Variants in DNAH2 observed in about 807,000 individuals in gnomAD.
DNAH2 encodes dynein axonemal heavy chain 2.
Under a neutral mutation model 523.5 loss-of-function variants are expected in DNAH2, and 323 were observed. The observed-to-expected ratio is 0.62, with a 90% CI of 0.56 to 0.68. The LOEUF is 0.68. DNAH2 is among the 30% of genes least tolerant of loss of function. DNAH2 has a pLI of 0.00. For synonymous variants in DNAH2, 2,093 were observed against 2,177.4 expected, an observed-to-expected ratio of 0.96 and a Z score of 1.08; for missense variants, 4,907 against 5,701.5, an observed-to-expected ratio of 0.86 and a Z score of 4.49.
At chr17:7,769,483 C>A (rs917331955) in intron 24 of DNAH2, among the ~76,000 whole-genome samples, 1 of 152,204 alleles carries the variant, frequency 6.6e-6, no homozygotes. Context: ...TTTTGTTATA[C>A]AAAAGATTTT....
At position 7,821,678 on chromosome 17, in the gene DNAH2, C is replaced by T. The variant is rs1012305862; in HGVS notation, c.11142+309C>T. Among the ~76,000 whole-genome samples the T allele has an allele frequency of 2.6e-5, 4 of 152,122 alleles. No homozygotes were observed. The highest frequency in any genetic ancestry group is 1.9e-4 in the East Asian group (1 of 5,192). Reference sequence around the variant, plus strand: ...CCTTCCCCAGCCTGAGTTCCATGGTCGCCCTCACAATCTCTCCCTCACAGG... The same window carrying T: ...CCTTCCCCAGCCTGAGTTCCATGGTTGCCCTCACAATCTCTCCCTCACAGG... On this transcript the variant is annotated intron_variant, in intron 73 of 85. Transcript: ENST00000572933. The surrounding 1 kb of genome is among the most constrained non-coding windows in gnomAD (Gnocchi z 5.0).
chr17:7,770,841 A>G lies in DNAH2; in HGVS notation c.4270A>G (p.Lys1424Glu). 2 of 1,614,138 alleles carry G rather than the reference A, an allele frequency of 1.2e-6. No individual in the cohort carries two copies. The highest frequency in any genetic ancestry group is 1.7e-6 in the Non-Finnish European group (2 of 1,180,038). The change falls in exon 27 of 86, where the codon AAG becomes GAG. Residue 1424 changes from lysine to glutamate, a missense_variant. By Grantham distance (56) the Lys-to-Glu change is moderately conservative. Around this residue, in one of 3 missense-constraint regions of DNAH2, gnomAD observed 2,806 missense variants for 3,190.8 expected, o/e 0.88. Coordinates refer to ENST00000572933, the MANE Select transcript of DNAH2 (RefSeq NM_020877.5). ...KASRFVKAFE[K>E]DVDHWERCLS... ...ATCACGCTTTGTCAAGGCCTTTGAG[A>G]AGGATGTGGACCACTGGGAACGCTG...
At position 7,805,844 on chromosome 17, in the gene DNAH2, A is replaced by T. The variant is rs142001659; in HGVS notation, c.9442+451A>T. On this transcript the variant is annotated intron_variant, in intron 61 of 85. Transcript: ENST00000572933. ...ACTCCAGCCTGGGAGACAGAGCCAG[A>T]CCCTGTCTCCAAAGAAAAAAAAAGA... Among the ~76,000 whole-genome samples the T allele has an allele frequency of 5.5e-3, 824 of 149,400 alleles. 5 individuals are homozygous for T. Among genetic ancestry groups the T allele is most frequent in the Middle Eastern group, 0.024 (7 of 288 alleles).
chr17:7,722,618 T>TA (rs1407510074), intron 2 of DNAH2, among the ~76,000 whole-genome samples: 19 of 152,156 alleles, frequency 1.2e-4, no homozygotes, highest in Admixed American at 3.9e-4. Context: ...TGGATTTGCC[T>TA]ATGCTGGACA....
At chr17:7,756,467 G>A (rs1394400580) in intron 12 of DNAH2, among the ~76,000 whole-genome samples, 4 of 151,372 alleles carry the variant, frequency 2.6e-5, no homozygotes, top group Non-Finnish European at 5.9e-5. Context: ...TAGAGATGGG[G>A]GTCTCACTAT....
Position 7,807,620 on chromosome 17 carries a change from C to T in DNAH2, c.9729+34C>T. 1 of 1,576,380 alleles carries T rather than the reference C, an allele frequency of 6.3e-7. No individual in the cohort carries two copies. On this transcript the variant is annotated intron_variant, in intron 63 of 85. Transcript: ENST00000572933. The surrounding 1 kb of genome is among the most constrained non-coding windows in gnomAD (Gnocchi z 5.6). ...ATCGCCTGTCCTTTCCACGGAGGTC[C>T]CTCTCCCTGAGTTCTGGATTGCTTC...
chr17:7,731,511 TG>T (rs2074987897), intron 4 of DNAH2, among the ~76,000 whole-genome samples: 1 of 152,050 alleles, frequency 6.6e-6, no homozygotes, highest in Admixed American at 6.6e-5. Context: ...AAAAACAGCT[TG>T]CTCCTATTTA....
Position 7,754,907 on chromosome 17 carries a change from C to T in DNAH2, c.1905-2184C>T. On this transcript the variant is annotated intron_variant, in intron 12 of 85. Transcript: ENST00000572933. The surrounding 1 kb of genome is among the most constrained non-coding windows in gnomAD (Gnocchi z 4.6). ...AAGGACAGGTGCCACCCACCCCGGG[C>T]TGCCGTCTGCATGGGGCTGGGGTCC... 2 of 562,916 alleles carry T rather than the reference C, an allele frequency of 3.6e-6. No homozygotes were observed. The highest frequency in any genetic ancestry group is 6.3e-6 in the Non-Finnish European group (2 of 316,264). The allele number at this position is 562,916 out of a possible 1,614,324, so 34.9% of individuals were successfully genotyped here. A position where few individuals can be genotyped will look rare whatever the true frequency, so the allele number is the denominator to read the frequency against.
intron 13 of DNAH2, 30 bp from the exon 14 acceptor site, chr17:7,758,465 C>T (rs374631256): frequency 3.3e-5 from 53 of 1,602,812 alleles, no homozygotes; most frequent in Non-Finnish European, 4.3e-5. Flanking sequence ...GGCTTGTCCC[C>T]TCTGGATACC....
chr17:7,776,772 TC>T lies in DNAH2; in HGVS notation c.4948-3del. ...GGCTTTGGGACGTGGCTTCTGCACA[TC>T]CCCAGGTGGTGATCACTGCCAGTCA... On this transcript the variant is annotated splice_region_variant and splice_polypyrimidine_tract_variant and intron_variant, in intron 31 of 85. Transcript: ENST00000572933. 2 of 1,610,446 alleles carry T rather than the reference TC, an allele frequency of 1.2e-6. No individual in the cohort carries two copies. Among genetic ancestry groups the T allele is most frequent in the Non-Finnish European group, 1.7e-6 (2 of 1,177,504 alleles).
Position 7,807,111 on chromosome 17 carries a change from T to G in DNAH2, c.9443-39T>G. On this transcript the variant is annotated intron_variant, in intron 61 of 85. Coordinates refer to ENST00000572933, the MANE Select transcript of DNAH2 (RefSeq NM_020877.5). This position sits in a 1 kb window ranked among gnomAD's most constrained non-coding sequence, Gnocchi z 5.6. The stretch of plus-strand genomic sequence containing the variant: ...AAACTGCTGGACAAGGAGGATGGCA[T>G]TAAGCCTCTGGCTAAGGCCCCTAAT... The G allele has an allele frequency of 1.3e-6, 2 of 1,590,342 alleles. No individual in the cohort carries two copies. The highest frequency in any genetic ancestry group is 1.7e-6 in the Non-Finnish European group (2 of 1,174,268).
chr17:7,742,860 C>CGG, intron 11 of DNAH2, 68 bp from the exon 12 acceptor site: 1 of 1,217,062 alleles, frequency 8.2e-7, no homozygotes, highest in Non-Finnish European at 1.1e-6. Context: ...GTGTAGGTCT[C>CGG]AGGGAGATGG....
At chr17:7,796,368 C>T in intron 49 of DNAH2, 96 bp from the exon 50 acceptor site, 2 of 1,381,332 alleles carry the variant, frequency 1.4e-6, no homozygotes, top group South Asian at 1.5e-5. Context: ...TTTTTGACAC[C>T]CCCTTAAATT....
chr17:7,825,164 AC>A (rs762086268), intron 77 of DNAH2, among the ~76,000 whole-genome samples: 3 of 152,050 alleles, frequency 2.0e-5, no homozygotes, highest in Non-Finnish European at 4.4e-5. Flanking sequence ...CGAATGTCAC[AC>A]TTCCTGCCTC....
chr17:7,773,690 C>G (rs894120545), intron 28 of DNAH2, among the ~76,000 whole-genome samples: 1 of 150,944 alleles, frequency 6.6e-6, no homozygotes, highest in Non-Finnish European at 1.5e-5. Flanking sequence ...TTTCTTTTTC[C>G]TTCGTCGCAG....
intron 39 of DNAH2, among the ~76,000 whole-genome samples, chr17:7,785,630 G>T (rs1031750009): frequency 1.3e-5 from 2 of 152,158 alleles, no homozygotes; most frequent in African/African-American, 4.8e-5. Context: ...GGGCCCATCT[G>T]TTAGGTCATG....
At chr17:7,819,441 G>T (rs1567754252) in intron 72 of DNAH2, 33 bp downstream of exon 72, 1 of 1,612,580 alleles carries the variant, frequency 6.2e-7, no homozygotes, top group Non-Finnish European at 8.5e-7. Flanking sequence ...CCCCAGCCCG[G>T]AGGCCGAGTG....
Position 7,778,337 on chromosome 17 carries a change from C to T in DNAH2, c.5409C>T (p.Gly1803=). 8 of 1,614,232 alleles carry T rather than the reference C, an allele frequency of 5.0e-6. No homozygotes were observed. The highest frequency in any genetic ancestry group is 5.1e-6 in the Non-Finnish European group (6 of 1,180,044). The change falls in exon 35 of 86, where the codon GGC becomes GGT. Residue 1803 remains glycine (G), a synonymous_variant. Transcript: ENST00000572933. ...TGCACCGAGGGGGCTCCCCCAAAGG[C>T]CCTGCAGGCACAGGCAAGACCGAGA... ...LHLHRGGSPK[G]PAGTGKTETV...
rs527627043 is a variant in DNAH2, at chr17:7,778,330, C to T, written c.5402C>T (p.Pro1801Leu). 6 of 1,614,232 alleles carry T rather than the reference C, an allele frequency of 3.7e-6. No homozygotes were observed. The South Asian group carries it at 6.6e-5, about 18-fold the overall frequency. Residue 1801 changes from proline to leucine, a missense_variant, in exon 35 of 86, where the codon CCC (proline) becomes CTC (leucine). Physicochemically the swap from Pro to Leu is moderately conservative, Grantham distance 98 (BLOSUM62 -3). Coordinates refer to ENST00000572933, the MANE Select transcript of DNAH2 (RefSeq NM_020877.5). Reference sequence around the variant, plus strand: ...TTGCACCTGCACCGAGGGGGCTCCCCCAAAGGCCCTGCAGGCACAGGCAAG... The same window carrying T: ...TTGCACCTGCACCGAGGGGGCTCCCTCAAAGGCCCTGCAGGCACAGGCAAG... ...TALHLHRGGS[P>L]KGPAGTGKTE... is the part of the protein sequence containing the mutation.
Sources: allele counts gnomAD v4.1 joint callset (sites outside exome capture counted in the v4.1 genomes callset), GRCh38; gene constraint gnomAD v4.1.1; regional missense constraint gnomAD v4.1.1; non-coding constraint Gnocchi (gnomAD v3.1); transcripts MANE v1.5; gene names NCBI Gene and HGNC (gene_info 2026-07-23, HGNC 2026-07-21).